The following PPP1R36 variants were observed in gnomAD, a reference collection of about 807,000 sequenced individuals.
PPP1R36 encodes protein phosphatase 1 regulatory subunit 36.
Under a neutral mutation model 53.4 loss-of-function variants are expected in PPP1R36, and 47 were observed. The ratio of observed to expected loss-of-function variants is 0.88; its 90% CI spans 0.70 to 1.12. The LOEUF is 1.12. Ranked by LOEUF, PPP1R36 falls within the 50% of genes most tolerant of loss-of-function variation. The probability of loss-of-function intolerance (pLI) is 0.00; values close to 1 mark genes in which losing one functional copy is unlikely to be tolerated. For synonymous variants in PPP1R36, 153 were observed against 170.5 expected, an observed-to-expected ratio of 0.90 and a Z score of 0.80; for missense variants, 456 against 513.9, an observed-to-expected ratio of 0.89 and a Z score of 1.09.
chr14:64,571,672 G>C (rs894255085), intron 7 of PPP1R36, among the ~76,000 whole-genome samples: 17 of 152,072 alleles, frequency 1.1e-4, no homozygotes, highest in Non-Finnish European at 5.9e-5. Flanking sequence ...TGACCGTATT[G>C]CTGCTCCCTT....
rs537237215 is a variant in PPP1R36 at position 64,582,544 on chromosome 14, G to A, written c.669-4293G>A. The stretch of plus-strand genomic sequence containing the variant: ...CCAGCATGGTGGCCACTTGCCACAC[G>A]CGGCTGTTGAGCACTTTGAAATGTA... On this transcript the variant is annotated intron_variant, in intron 8 of 11. Transcript: ENST00000298705. Among the ~76,000 whole-genome samples, 10 of 152,302 alleles carry A rather than the reference G, an allele frequency of 6.6e-5. No homozygotes were observed. In the South Asian group the frequency reaches 2.1e-3, roughly 32 times the overall value.
At chr14:64,552,536 T>G (rs1349312442) in intron 2 of PPP1R36, among the ~76,000 whole-genome samples, 1 of 150,948 alleles carries the variant, frequency 6.6e-6, no homozygotes, top group Non-Finnish European at 1.5e-5. Context: ...TGTTTCAGGT[T>G]GCTATGACTT....
At chr14:64,579,925 G>A (rs908449714) in intron 8 of PPP1R36, among the ~76,000 whole-genome samples, 7 of 152,094 alleles carry the variant, frequency 4.6e-5, no homozygotes, top group South Asian at 2.1e-4. Flanking sequence ...AGCTGAGATC[G>A]CGCCACTGCA....
At chr14:64,560,639 A>C (rs1328889253) in intron 3 of PPP1R36, among the ~76,000 whole-genome samples, 1 of 152,116 alleles carries the variant, frequency 6.6e-6, no homozygotes, top group Non-Finnish European at 1.5e-5. Context: ...GTGAGCCATG[A>C]GGAGTGAGGG....
intron 3 of PPP1R36, among the ~76,000 whole-genome samples, chr14:64,556,450 T>C (rs1194742376): frequency 6.6e-6 from 1 of 152,056 alleles, no homozygotes; most frequent in African/African-American, 2.4e-5. Context: ...GCAGCATTAT[T>C]TTAAAAACTT....
chr14:64,552,920 A>G (rs2140213625), intron 3 of PPP1R36, 59 bp downstream of exon 3: 2 of 1,445,988 alleles, frequency 1.4e-6, no homozygotes, highest in Non-Finnish European at 1.9e-6. Flanking sequence ...ATAGTTACAG[A>G]AGTCAAAATA....
chr14:64,551,035 C>T lies in PPP1R36; in HGVS notation c.134+50C>T, dbSNP rs1275994233. On this transcript the variant is annotated intron_variant, in intron 2 of 11. Transcript: ENST00000298705. ...GAGTTTTTATAAAAATTACATGTGCCTGGGGGAAAAAAAAGCAACAGAAGA... is the reference window on the plus strand; with the variant it reads ...GAGTTTTTATAAAAATTACATGTGCTTGGGGGAAAAAAAAGCAACAGAAGA... 3 of 1,270,906 alleles carry T rather than the reference C, an allele frequency of 2.4e-6. No individual in the cohort carries two copies. In the African/African-American group the frequency reaches 4.5e-5, roughly 19 times the overall value. 78.7% of individuals were successfully genotyped at this position (1,270,906 alleles called of 1,614,324 possible). A position where few individuals can be genotyped will look rare whatever the true frequency, so the allele number is the denominator to read the frequency against.
chr14:64,575,322 G>A (rs1478273970), intron 8 of PPP1R36, among the ~76,000 whole-genome samples: 2 of 152,154 alleles, frequency 1.3e-5, no homozygotes, highest in Non-Finnish European at 2.9e-5. Flanking sequence ...CTTTGTCAAT[G>A]AGCATACTTA....
At chr14:64,564,279 C>T (rs1349338403) in intron 3 of PPP1R36, among the ~76,000 whole-genome samples, 2 of 152,144 alleles carry the variant, frequency 1.3e-5, no homozygotes, top group South Asian at 2.1e-4. Flanking sequence ...ACCTGGGCAC[C>T]GCTCATGACT....
At chr14:64,587,396 G>T in intron 10 of PPP1R36, 24 bp downstream of exon 10, 1 of 1,380,528 alleles carries the variant, frequency 7.2e-7, no homozygotes, top group Non-Finnish European at 9.6e-7. Context: ...ACTTTCCTAT[G>T]CTCAGGGGTA....
chr14:64,564,348 C>G (rs2080231453), intron 3 of PPP1R36, among the ~76,000 whole-genome samples: 1 of 152,098 alleles, frequency 6.6e-6, no homozygotes, highest in Non-Finnish European at 1.5e-5. Flanking sequence ...TTCCATTTTT[C>G]TTGTATGTAA....
At chr14:64,566,484 C>T (rs2080257953) in intron 6 of PPP1R36, among the ~76,000 whole-genome samples, 1 of 151,388 alleles carries the variant, frequency 6.6e-6, no homozygotes, top group Admixed American at 6.6e-5. Context: ...CTGAAGATCA[C>T]TTTTCTCTAC....
At chr14:64,566,569 G>T (rs2080258966) in intron 6 of PPP1R36, among the ~76,000 whole-genome samples, 1 of 152,182 alleles carries the variant, frequency 6.6e-6, no homozygotes, top group African/African-American at 2.4e-5. Flanking sequence ...GTAAGCCTCA[G>T]TCTCCTCAGC....
At chr14:64,556,960 C>T (rs187146113) in intron 3 of PPP1R36, among the ~76,000 whole-genome samples, 2 of 151,626 alleles carry the variant, frequency 1.3e-5, no homozygotes, top group Admixed American at 1.3e-4. Flanking sequence ...CCGCCGCCCC[C>T]CAGCAAAGAG....
rs1222481839 is a variant in PPP1R36, at chr14:64,589,180, C to A, written c.1111C>A (p.Leu371Ile). The A allele has an allele frequency of 3.1e-6, 5 of 1,612,828 alleles. No individual in the cohort carries two copies. The South Asian group carries it at 5.5e-5, about 18-fold the overall frequency. Residue 371 changes from leucine (L) to isoleucine (I), a missense_variant, in exon 12 of 12, where the codon CTA (leucine) becomes ATA (isoleucine). Physicochemically the swap from Leu to Ile is conservative, Grantham distance 5. Coordinates refer to ENST00000298705, the MANE Select transcript of PPP1R36 (RefSeq NM_172365.3). ...TGGCATCTTGGGGGAGCCTCGATGT[C>A]TATTCAACCCACATACGCTTCACCC... Reference protein sequence around the residue: ...VVGILGEPRCLFNPHTLHPLD... With the variant: ...VVGILGEPRCIFNPHTLHPLD...
intron 7 of PPP1R36, among the ~76,000 whole-genome samples, chr14:64,571,732 A>G (rs898100363): frequency 5.9e-5 from 9 of 152,176 alleles, no homozygotes; most frequent in African/African-American, 2.2e-4. Context: ...GACATACCCA[A>G]CTGGGTAATT....
chr14:64,583,281 A>C (rs1288504828), intron 8 of PPP1R36, among the ~76,000 whole-genome samples: 3 of 151,890 alleles, frequency 2.0e-5, no homozygotes, highest in African/African-American at 7.2e-5. Context: ...TATGTACTTA[A>C]TATAAAAATT....
chr14:64,571,276 C>G (rs921441207), intron 7 of PPP1R36, among the ~76,000 whole-genome samples: 1 of 152,046 alleles, frequency 6.6e-6, no homozygotes, highest in South Asian at 2.1e-4. Context: ...CAGGCATGTG[C>G]TACCATGCCT....
intron 7 of PPP1R36, among the ~76,000 whole-genome samples, chr14:64,571,524 A>G (rs975904303): frequency 2.6e-5 from 4 of 152,146 alleles, no homozygotes; most frequent in Non-Finnish European, 1.5e-5. Flanking sequence ...CATCAAGCCA[A>G]TGTGTGTGAA....
Sources: gnomAD v4.1 joint callset for allele counts (sites outside exome capture counted in the v4.1 genomes callset) on GRCh38, gnomAD v4.1.1 for gene constraint, MANE v1.5 for transcripts, NCBI Gene and HGNC (gene_info 2026-07-23, HGNC 2026-07-21) for gene names.